The following TRAPPC8 variants were observed in gnomAD, a reference collection of about 807,000 sequenced individuals.
TRAPPC8 encodes the protein general sporulation gene 1 homolog.
TRAPPC8 carries 54 observed loss-of-function variants against 174.3 expected under a neutral mutation model. The ratio of observed to expected loss-of-function variants is 0.31; its 90% CI spans 0.25 to 0.39. The LOEUF (loss-of-function observed/expected upper bound fraction) is 0.39. Ranked by LOEUF, TRAPPC8 falls within the 10% of genes least tolerant of loss-of-function variation. The pLI is 1.00. For synonymous variants in TRAPPC8, 630 were observed against 579.9 expected, an observed-to-expected ratio of 1.09 and a Z score of -1.24; for missense variants, 1,531 against 1,699.1, an observed-to-expected ratio of 0.90 and a Z score of 1.74.
chr18:31,908,381 G>A lies in TRAPPC8; in HGVS notation c.1160C>T (p.Ser387Phe). ...SRKGLSRSLF[S>F]ATKKWFSGSK... Reference sequence around the variant, plus strand: ...GCCACTAAACCATTTTTTAGTTGCAGAAAATAGAGATCGACTCAAACCTTT... The same window carrying A: ...GCCACTAAACCATTTTTTAGTTGCAAAAAATAGAGATCGACTCAAACCTTT... Residue 387 changes from serine (S) to phenylalanine (F), a missense_variant, in exon 8 of 29, where the codon TCT (serine) becomes TTT (phenylalanine). Physicochemically the swap from Ser to Phe is radical, Grantham distance 155 (BLOSUM62 -2). Transcript: ENST00000283351. 1 of 1,603,580 alleles carries A rather than the reference G, an allele frequency of 6.2e-7. No homozygotes were observed. The highest frequency in any genetic ancestry group is 8.5e-7 in the Non-Finnish European group (1 of 1,175,228).
rs2033419689 is a variant in TRAPPC8, at chr18:31,846,621, G to A, written c.3837+95C>T. On this transcript the variant is annotated intron_variant, in intron 26 of 28. Coordinates refer to ENST00000283351, the MANE Select transcript of TRAPPC8 (RefSeq NM_014939.5). ...CAAAAAACAAAACCTGAACAAACCA[G>A]ACCCCTTCAAAAACACAAAAGCCAA... The A allele has an allele frequency of 6.4e-6, 6 of 940,242 alleles. No homozygotes were observed. The South Asian group carries it at 6.8e-5, about 11-fold the overall frequency. 58.2% of individuals were successfully genotyped at this position (940,242 alleles called of 1,614,324 possible). A position where few individuals can be genotyped will look rare whatever the true frequency, so the allele number is the denominator to read the frequency against.
chr18:31,940,218 T>C (rs573738568), intron 1 of TRAPPC8, among the ~76,000 whole-genome samples: 1 of 152,314 alleles, frequency 6.6e-6, no homozygotes, highest in South Asian at 2.1e-4. Context: ...GGCTCACGCC[T>C]GTAATCCCAG....
chr18:31,858,248 C>CG (rs2034137508), intron 19 of TRAPPC8, among the ~76,000 whole-genome samples: 1 of 91,092 alleles, frequency 1.1e-5, no homozygotes, highest in East Asian at 2.9e-4. Flanking sequence ...GCTAACATGT[C>CG]AAAATTTCAC....
At chr18:31,866,467 T>C (rs998944027) in intron 18 of TRAPPC8, among the ~76,000 whole-genome samples, 4 of 152,128 alleles carry the variant, frequency 2.6e-5, no homozygotes, top group Admixed American at 2.6e-4. Context: ...CATAGGTCTT[T>C]AATTTGTTCC....
At chr18:31,888,252 A>G (rs1230206306) in intron 12 of TRAPPC8, among the ~76,000 whole-genome samples, 1 of 152,192 alleles carries the variant, frequency 6.6e-6, no homozygotes, top group Non-Finnish European at 1.5e-5. Context: ...AAAAAGTCAA[A>G]GCTGGGCATG....
intron 27 of TRAPPC8, 53 bp downstream of exon 27, chr18:31,839,255 CAAAT>C: frequency 6.6e-7 from 1 of 1,523,790 alleles, no homozygotes; most frequent in Non-Finnish European, 8.8e-7. Context: ...ATAAAAGAAA[CAAAT>C]ACACGTGCCA....
rs747814987 is a variant in TRAPPC8, at chr18:31,907,625, G to A, written c.1239-15C>T. ...CCGGCGGATACCTGTAAATACAAAA[G>A]AAAATAATTTATAATTTATTACCCC... On this transcript the variant is annotated splice_polypyrimidine_tract_variant and intron_variant, in intron 8 of 28. Coordinates refer to ENST00000283351, the MANE Select transcript of TRAPPC8 (RefSeq NM_014939.5). The A allele has an allele frequency of 1.3e-6, 2 of 1,573,002 alleles. No individual in the cohort carries two copies. Among genetic ancestry groups the A allele is most frequent in the Non-Finnish European group, 1.7e-6 (2 of 1,157,980 alleles).
chr18:31,870,800 A>C, intron 15 of TRAPPC8, 126 bp downstream of exon 15: 1 of 934,608 alleles, frequency 1.1e-6, no homozygotes, highest in Non-Finnish European at 1.5e-6. Flanking sequence ...GCAGCTCAGT[A>C]AATTATGAGT....
intron 12 of TRAPPC8, among the ~76,000 whole-genome samples, chr18:31,880,090 A>AAAAAAAAATATAT (rs1259899654): frequency 3.0e-4 from 26 of 85,344 alleles, no homozygotes; most frequent in African/African-American, 1.3e-3. Flanking sequence ...TGAAAAAAAA[A>AAAAAAAAATATAT]ATATATATAT....
At chr18:31,928,336 TACACACACACAC>T (rs34570497) in intron 2 of TRAPPC8, among the ~76,000 whole-genome samples, 7 of 142,854 alleles carry the variant, frequency 4.9e-5, no homozygotes, top group East Asian at 2.1e-4. Context: ...ACCTTATCTC[TACACACACACAC>T]ACACACACAC....
At chr18:31,942,575 G>A (rs193028382) in intron 1 of TRAPPC8, 33 bp downstream of exon 1, 2 of 1,493,786 alleles carry the variant, frequency 1.3e-6, no homozygotes, top group Admixed American at 4.4e-5. Flanking sequence ...CGGCTTTGCG[G>A]GAGCCCACTG....
rs1351945731 is a variant in TRAPPC8, at chr18:31,874,490, T to C, written c.1943A>G (p.Tyr648Cys). 1 of 1,613,938 alleles carries C rather than the reference T, an allele frequency of 6.2e-7. No homozygotes were observed. ...AAAATAAGCAGTCACCTTGTAAACATAAAGATATTCTCTGAGGAAAGCCCC... is the reference window on the plus strand; with the variant it reads ...AAAATAAGCAGTCACCTTGTAAACACAAAGATATTCTCTGAGGAAAGCCCC... The part of the protein sequence containing the change: ...QQGAFLREYL[Y>C]VYKNVSQLSP... Residue 648 changes from tyrosine to cysteine, a missense_variant, in exon 13 of 29, where the codon TAT becomes TGT. By Grantham distance (194) the Tyr-to-Cys change is radical. Coordinates refer to ENST00000283351, the MANE Select transcript of TRAPPC8 (RefSeq NM_014939.5).
intron 1 of TRAPPC8, among the ~76,000 whole-genome samples, chr18:31,937,286 T>A: frequency 6.6e-6 from 1 of 152,200 alleles, no homozygotes; most frequent in East Asian, 1.9e-4. Context: ...ATCAAAGCAC[T>A]TTGGGAATCC....
Position 31,885,817 on chromosome 18 carries a change from G to A in TRAPPC8, c.1728+4918C>T, listed in dbSNP as rs575839220. Among the ~76,000 whole-genome samples the A allele has an allele frequency of 5.1e-3, 779 of 151,506 alleles. 4 individuals carry two copies. The highest frequency in any genetic ancestry group is 9.3e-3 in the Non-Finnish European group (629 of 67,836). On this transcript the variant is annotated intron_variant, in intron 12 of 28. Coordinates refer to ENST00000283351, the MANE Select transcript of TRAPPC8 (RefSeq NM_014939.5). ...GGAGGTTGCAGTGAGCCGAGATCGC[G>A]CCATTGCACTCCAGCCTGGGCAACA...
chr18:31,855,218 G>C (rs1217951657), intron 21 of TRAPPC8, among the ~76,000 whole-genome samples: 1 of 152,040 alleles, frequency 6.6e-6, no homozygotes, highest in Non-Finnish European at 1.5e-5. Flanking sequence ...TTTTATATTA[G>C]AGTGCATAAA....
chr18:31,843,234 G>A lies in TRAPPC8; in HGVS notation c.3837+3482C>T, dbSNP rs2033202448. Among the ~76,000 whole-genome samples, 3 of 152,180 alleles carry A rather than the reference G, an allele frequency of 2.0e-5. No homozygotes were observed. The South Asian group carries it at 6.2e-4, about 31-fold the overall frequency. ...TTTCTTTTTATAACAACCATTCAAT[G>A]AAACCTGTAGTTTATTAAACAATAT... On this transcript the variant is annotated intron_variant, in intron 26 of 28. Transcript: ENST00000283351.
intron 4 of TRAPPC8, among the ~76,000 whole-genome samples, chr18:31,914,490 C>A (rs1720686397): frequency 6.6e-6 from 1 of 152,176 alleles, no homozygotes; most frequent in South Asian, 2.1e-4. Flanking sequence ...CTGACAGAAA[C>A]TAATTCTAAT....
intron 12 of TRAPPC8, among the ~76,000 whole-genome samples, chr18:31,875,387 T>C (rs1205143730): frequency 6.6e-6 from 1 of 151,022 alleles, no homozygotes; most frequent in Non-Finnish European, 1.5e-5. Flanking sequence ...AAAATTCACA[T>C]ACTGGACCAA....
chr18:31,933,097 C>G (rs905740723), intron 1 of TRAPPC8, among the ~76,000 whole-genome samples: 2 of 150,972 alleles, frequency 1.3e-5, no homozygotes, highest in African/African-American at 4.9e-5. Flanking sequence ...GTCAGGAGAC[C>G]GAGACCATCC....
Sources: allele counts gnomAD v4.1 joint callset (sites outside exome capture counted in the v4.1 genomes callset), GRCh38; gene constraint gnomAD v4.1.1; transcripts MANE v1.5; gene names NCBI Gene and HGNC (gene_info 2026-07-23, HGNC 2026-07-21).